Variants in TENM3 observed in about 807,000 individuals in gnomAD.
The protein encoded by TENM3 is teneurin transmembrane protein 3.
A neutral mutation model predicts 255.1 loss-of-function variants in TENM3; 63 were observed. The observed-to-expected ratio is 0.25, with a 90% CI of 0.20 to 0.30. The LOEUF is 0.30. Among genes scored for constraint, TENM3 ranks in the 10% least tolerant of loss-of-function variants. The pLI, the probability that TENM3 is intolerant of heterozygous loss-of-function variation, is 1.00. For missense variants in TENM3, 2,929 were observed against 3,461.1 expected (o/e 0.85, Z 3.86); for synonymous variants, 1,306 against 1,322.3 (o/e 0.99, Z 0.27).
chr4:181,908,192 G>C, the TENM3 span, among the ~76,000 whole-genome samples: 2 of 152,086 alleles, frequency 1.3e-5, no homozygotes, highest in Non-Finnish European at 2.9e-5. Context: ...TTCCATAAAA[G>C]CAGTTTTGAA....
chr4:182,064,575 T>C, the TENM3 span, among the ~76,000 whole-genome samples: 13 of 148,326 alleles, frequency 8.8e-5, no homozygotes, highest in Admixed American at 2.6e-4. Context: ...AGCGAGACTT[T>C]GTCTCAAAAA....
intron 1 of TENM3, among the ~76,000 whole-genome samples, chr4:182,209,021 T>A (rs1282555740): frequency 6.7e-6 from 1 of 149,706 alleles, no homozygotes; most frequent in Non-Finnish European, 1.5e-5. Flanking sequence ...CAGGCTGGAG[T>A]GCGGTGGCAC....
chr4:182,130,027 C>T, the TENM3 span, among the ~76,000 whole-genome samples: 2 of 152,016 alleles, frequency 1.3e-5, no homozygotes, highest in Non-Finnish European at 2.9e-5. Flanking sequence ...GAAGTTAAAA[C>T]GTCAGAATAG....
intron 3 of TENM3, among the ~76,000 whole-genome samples, chr4:182,585,650 G>T (rs1745944279): frequency 6.6e-6 from 1 of 152,144 alleles, no homozygotes; most frequent in African/African-American, 2.4e-5. Context: ...AGAAAATCAT[G>T]TCTATTATTT....
intron 3 of TENM3, among the ~76,000 whole-genome samples, chr4:182,575,495 G>A (rs780339785): frequency 1.3e-5 from 2 of 152,128 alleles, no homozygotes; most frequent in Non-Finnish European, 2.9e-5. Flanking sequence ...GGCAGCAGAC[G>A]ATAGTTTGCA....
the TENM3 span, among the ~76,000 whole-genome samples, chr4:181,516,052 G>A: frequency 6.6e-6 from 1 of 152,122 alleles, no homozygotes; most frequent in Non-Finnish European, 1.5e-5. Context: ...GCAGGTACAT[G>A]GAGGGACATA....
At chr4:182,750,905 A>G (rs189061749) in intron 19 of TENM3, among the ~76,000 whole-genome samples, 3 of 152,340 alleles carry the variant, frequency 2.0e-5, no homozygotes, top group Admixed American at 2.0e-4. Context: ...ACAAGATTAC[A>G]TTAATTTTAA....
chr4:182,119,411 C>T, the TENM3 span, among the ~76,000 whole-genome samples: 3 of 152,104 alleles, frequency 2.0e-5, no homozygotes, highest in Admixed American at 1.3e-4. Context: ...CTTGGCCACA[C>T]GGAGCCTTCA....
chr4:181,983,689 C>T, the TENM3 span, among the ~76,000 whole-genome samples: 2 of 151,984 alleles, frequency 1.3e-5, no homozygotes, highest in Non-Finnish European at 2.9e-5. Context: ...ACCATATTTC[C>T]GATGCAATCT....
chr4:181,767,204 A>ATCGC, the TENM3 span, among the ~76,000 whole-genome samples: 1 of 145,204 alleles, frequency 6.9e-6, no homozygotes, highest in Non-Finnish European at 1.5e-5. Context: ...GTGAGCCGAG[A>ATCGC]AGGTGCCACT....
At chr4:182,467,643 G>T (rs1476196549) in intron 3 of TENM3, among the ~76,000 whole-genome samples, 3 of 152,152 alleles carry the variant, frequency 2.0e-5, no homozygotes, top group Non-Finnish European at 4.4e-5. Context: ...CAGAGAAGTG[G>T]ACTTAAGGAG....
chr4:181,571,032 T>C, the TENM3 span, among the ~76,000 whole-genome samples: 1 of 152,154 alleles, frequency 6.6e-6, no homozygotes, highest in South Asian at 2.1e-4. Flanking sequence ...GGAATGGACC[T>C]ACATTTGTCC....
the TENM3 span, among the ~76,000 whole-genome samples, chr4:182,089,266 T>C: frequency 6.6e-6 from 1 of 152,268 alleles, no homozygotes; most frequent in African/African-American, 2.4e-5. Context: ...GCACAGAGAT[T>C]TTCTGTCATT....
intron 1 of TENM3, among the ~76,000 whole-genome samples, chr4:182,180,364 A>T (rs1046709070): frequency 6.6e-6 from 1 of 152,042 alleles, no homozygotes. Flanking sequence ...AGTTAATATG[A>T]TGTTTATCTG....
chr4:182,162,887 C>T (rs1421302113), intron 1 of TENM3, among the ~76,000 whole-genome samples: 1 of 152,170 alleles, frequency 6.6e-6, no homozygotes, highest in Non-Finnish European at 1.5e-5. Context: ...CCTCTTCATA[C>T]TGTTGCACTG....
chr4:181,522,714 G>T, the TENM3 span: 1 of 684,934 alleles, frequency 1.5e-6, no homozygotes, highest in Non-Finnish European at 2.8e-6. Flanking sequence ...TGAAAAAGAT[G>T]TTAAAGGTGA....
At chr4:182,044,539 T>A in the TENM3 span, among the ~76,000 whole-genome samples, 1 of 152,216 alleles carries the variant, frequency 6.6e-6, no homozygotes, top group Admixed American at 6.5e-5. Context: ...GAAGAAAAGA[T>A]CACACAATTT....
chr4:181,886,672 CTT>C, the TENM3 span, among the ~76,000 whole-genome samples: 1 of 152,188 alleles, frequency 6.6e-6, no homozygotes, highest in South Asian at 2.1e-4. Flanking sequence ...AGAAAAATCT[CTT>C]AGGTTTTTTT....
At chr4:181,998,497 C>G in the TENM3 span, among the ~76,000 whole-genome samples, 1 of 152,106 alleles carries the variant, frequency 6.6e-6, no homozygotes, top group Non-Finnish European at 1.5e-5. Flanking sequence ...CAAACAGTAC[C>G]CAAATAGCCT....
Sources: allele counts gnomAD v4.1 joint callset (sites outside exome capture counted in the v4.1 genomes callset), GRCh38; gene constraint gnomAD v4.1.1; transcripts MANE v1.5; gene names NCBI Gene and HGNC (gene_info 2026-07-23, HGNC 2026-07-21).